CELF2: variants seen among roughly 807,000 people sequenced by gnomAD.
CELF2 encodes CUGBP Elav-like family member 2.
Under a neutral mutation model 62.6 loss-of-function variants are expected in CELF2, and 8 were observed. The observed-to-expected ratio is 0.13, with a 90% CI of 0.07 to 0.23. CELF2 has a LOEUF of 0.23. Ranked by LOEUF, CELF2 falls within the 10% of genes least tolerant of loss-of-function variation. The pLI is 1.00. For synonymous variants in CELF2, 258 were observed against 250.0 expected (o/e 1.03, Z -0.30); for missense variants, 333 against 671.0 (o/e 0.50, Z 5.56).
At chr10:10,932,106 T>C (rs1345483653) in intron 2 of CELF2, among the ~76,000 whole-genome samples, 1 of 152,130 alleles carries the variant, frequency 6.6e-6, no homozygotes, top group East Asian at 1.9e-4. Flanking sequence ...TATCAGGCAG[T>C]ATCATTACTA....
At chr10:10,780,594 C>T in the CELF2 span, among the ~76,000 whole-genome samples, 1 of 152,224 alleles carries the variant, frequency 6.6e-6, no homozygotes, top group East Asian at 1.9e-4. Flanking sequence ...GATTCTCCTG[C>T]CTCAGCCTCC....
intron 1 of CELF2, among the ~76,000 whole-genome samples, chr10:10,894,881 C>T (rs970530395): frequency 6.6e-6 from 1 of 152,096 alleles, no homozygotes; most frequent in African/African-American, 2.4e-5. Context: ...TTTAAAAATC[C>T]CAGTGCTGTG....
At chr10:10,528,154 C>A in the CELF2 span, among the ~76,000 whole-genome samples, 2 of 106,518 alleles carry the variant, frequency 1.9e-5, no homozygotes, top group African/African-American at 3.2e-5. Context: ...AGATAGATTC[C>A]TGTTTTGTGT....
intron 1 of CELF2, among the ~76,000 whole-genome samples, chr10:11,143,020 C>T (rs1294929402): frequency 2.0e-5 from 3 of 150,426 alleles, no homozygotes; most frequent in African/African-American, 4.9e-5. Flanking sequence ...GGACTCACTC[C>T]CCTTGTGATT....
intron 1 of CELF2, among the ~76,000 whole-genome samples, chr10:11,040,788 T>G (rs2061707019): frequency 6.6e-6 from 1 of 152,236 alleles, no homozygotes; most frequent in Admixed American, 6.5e-5. Context: ...GTTTTTCCAT[T>G]CAATATTTTG....
chr10:10,908,176 A>G (rs552974739), intron 1 of CELF2, among the ~76,000 whole-genome samples: 21 of 140,550 alleles, frequency 1.5e-4, no homozygotes, highest in African/African-American at 5.6e-4. Flanking sequence ...GAGGGCTGAT[A>G]GCACTACCCT....
At chr10:10,563,344 C>T in the CELF2 span, among the ~76,000 whole-genome samples, 1 of 152,068 alleles carries the variant, frequency 6.6e-6, no homozygotes, top group African/African-American at 2.4e-5. Context: ...GGCACAGTGG[C>T]TCCCACCTCT....
the CELF2 span, among the ~76,000 whole-genome samples, chr10:10,606,601 G>T: frequency 1.3e-5 from 2 of 152,174 alleles, no homozygotes; most frequent in African/African-American, 4.8e-5. Flanking sequence ...AACTAGCATT[G>T]TATGGGATTC....
chr10:11,070,375 G>A (rs534452281), intron 1 of CELF2, among the ~76,000 whole-genome samples: 46 of 152,168 alleles, frequency 3.0e-4, no homozygotes, highest in Non-Finnish European at 5.3e-4. Flanking sequence ...TAGACATGAG[G>A]AGGATTTCTT....
the CELF2 span, among the ~76,000 whole-genome samples, chr10:10,601,929 C>T: frequency 6.6e-6 from 1 of 152,034 alleles, no homozygotes; most frequent in Non-Finnish European, 1.5e-5. Flanking sequence ...GTGTTATTCC[C>T]CTCCCTGTGT....
chr10:10,770,584 A>C, the CELF2 span, among the ~76,000 whole-genome samples: 2 of 152,098 alleles, frequency 1.3e-5, no homozygotes, highest in African/African-American at 4.8e-5. Flanking sequence ...GGAATCATAG[A>C]CTGTGGCCAG....
intron 7 of CELF2, among the ~76,000 whole-genome samples, chr10:11,273,019 A>G (rs1471341156): frequency 6.6e-6 from 1 of 152,196 alleles, no homozygotes; most frequent in African/African-American, 2.4e-5. Context: ...TACAGTGGGC[A>G]GTCCCTAGCT....
the CELF2 span, among the ~76,000 whole-genome samples, chr10:10,758,541 G>T: frequency 0.034 from 5,224 of 151,928 alleles, 114 homozygotes; most frequent in Non-Finnish European, 0.049. Flanking sequence ...GATCACATTG[G>T]TGTCCCATTA....
chr10:10,528,227 A>C, the CELF2 span, among the ~76,000 whole-genome samples: 5 of 152,148 alleles, frequency 3.3e-5, no homozygotes, highest in African/African-American at 1.2e-4. Flanking sequence ...TAAATTCTCC[A>C]AGCTTTCTGG....
chr10:11,256,437 A>G (rs1025710170), intron 4 of CELF2, among the ~76,000 whole-genome samples: 2 of 152,234 alleles, frequency 1.3e-5, no homozygotes, highest in African/African-American at 4.8e-5. Flanking sequence ...TAAAAGAAAC[A>G]GAAATAAAAG....
the CELF2 span, among the ~76,000 whole-genome samples, chr10:10,529,486 A>T: frequency 3.9e-5 from 6 of 152,042 alleles, no homozygotes; most frequent in African/African-American, 1.4e-4. Context: ...GGAGTTCAAG[A>T]CCAGCCTGGC....
At chr10:11,174,274 G>T (rs1269569945) in intron 2 of CELF2, among the ~76,000 whole-genome samples, 4 of 152,126 alleles carry the variant, frequency 2.6e-5, no homozygotes, top group Non-Finnish European at 4.4e-5. Context: ...CACACAAATG[G>T]CAAGCAGAGA....
chr10:10,543,756 T>C, the CELF2 span, among the ~76,000 whole-genome samples: 12,658 of 113,246 alleles, frequency 0.11, 738 homozygotes, highest in South Asian at 0.27. Flanking sequence ...AGAAACTCCA[T>C]TTCAACAACA....
chr10:10,886,613 G>A (rs953082711), intron 1 of CELF2, among the ~76,000 whole-genome samples: 9 of 152,214 alleles, frequency 5.9e-5, no homozygotes, highest in South Asian at 4.1e-4. Context: ...AAGGCAGGAG[G>A]ATGGCTTGAG....
Sources: gnomAD v4.1 joint callset for allele counts (sites outside exome capture counted in the v4.1 genomes callset) on GRCh38, gnomAD v4.1.1 for gene constraint, MANE v1.5 for transcripts, NCBI Gene and HGNC (gene_info 2026-07-23, HGNC 2026-07-21) for gene names.